CACNA1B: variants seen among roughly 807,000 people sequenced by gnomAD.
The protein encoded by CACNA1B is voltage-dependent N-type calcium channel subunit alpha-1B.
In CACNA1B, 70 loss-of-function variants were observed where a neutral mutation model predicts 247.2. The observed-to-expected ratio is 0.28, with a 90% CI of 0.23 to 0.35. The LOEUF is 0.35. CACNA1B is among the 10% of genes least tolerant of loss of function. The pLI, the probability that CACNA1B is intolerant of heterozygous loss-of-function variation, is 1.00. For synonymous variants in CACNA1B, 1,231 were observed against 1,294.4 expected (o/e 0.95, Z 1.05); for missense variants, 2,367 against 3,197.4 (o/e 0.74, Z 6.26).
At chr9:138,094,532 T>C (rs1195651468) in intron 36 of CACNA1B, among the ~76,000 whole-genome samples, 5 of 151,116 alleles carry the variant, frequency 3.3e-5, no homozygotes, top group Admixed American at 2.0e-4. Context: ...CCTAACACAT[T>C]CTGTGAGGCC....
In CACNA1B at chr9:138,102,104, T is replaced by C. The variant is rs1961272553; in HGVS notation, c.5223-607T>C. ...GGCTGGCCTCGGGCGTCTCTGGGCT[T>C]GAAGCAGGACTTGCCCCAAGGTTAG... On this transcript the variant is annotated intron_variant, in intron 37 of 46. Transcript: ENST00000371372. The surrounding 1 kb of genome is among the most constrained non-coding windows in gnomAD (Gnocchi z 5.4). Among the ~76,000 whole-genome samples the C allele has an allele frequency of 6.6e-6, 1 of 152,196 alleles. No homozygotes were observed. The highest frequency in any genetic ancestry group is 2.4e-5 in the African/African-American group (1 of 41,468).
Position 138,078,320 on chromosome 9 carries a change from C to A in CACNA1B, c.5094+62C>A. On this transcript the variant is annotated intron_variant, in intron 36 of 46. Transcript: ENST00000371372. The stretch of plus-strand genomic sequence containing the variant: ...TCTTGTCTCGGTACAGCTCAGGCTT[C>A]TCCCACATCTCCTGCTGATCCCTGA... 4.7e-6 allele frequency: 7 copies of A among 1,488,130 alleles called. No individual in the cohort carries two copies. In the South Asian group the frequency reaches 8.1e-5, roughly 17 times the overall value. The allele number at this position is 1,488,130 out of a possible 1,614,324, so 92.2% of individuals were successfully genotyped here. A position where few individuals can be genotyped will look rare whatever the true frequency, so the allele number is the denominator to read the frequency against.
Position 138,121,776 on chromosome 9 carries a change from G to T in CACNA1B, c.6797G>T (p.Ser2266Ile). The T allele has an allele frequency of 1.2e-6, 2 of 1,612,988 alleles. No individual in the cohort carries two copies. ...SDPYLGQRLDSEASVHALPED... is the reference protein window; with the variant it reads ...SDPYLGQRLDIEASVHALPED... ...CCTTACCTGGGGCAGCGTCTGGACA[G>T]TGAGGCCTCTGTCCACGCCCTGCCT... Residue 2266 changes from serine (S) to isoleucine (I), a missense_variant, in exon 47 of 47, where the codon AGT (serine) becomes ATT (isoleucine). Coordinates refer to ENST00000371372, the MANE Select transcript of CACNA1B (RefSeq NM_000718.4). The surrounding 1 kb of genome is among the most constrained non-coding windows in gnomAD (Gnocchi z 6.8).
At chr9:138,024,506 C>T (rs556994170) in intron 19 of CACNA1B, among the ~76,000 whole-genome samples, 63 of 152,240 alleles carry the variant, frequency 4.1e-4, no homozygotes, top group African/African-American at 1.4e-3. Flanking sequence ...ACTAAAGACA[C>T]GGAGGTGTAT....
At chr9:137,944,775 G>C (rs1589023456) in intron 6 of CACNA1B, among the ~76,000 whole-genome samples, 1 of 152,196 alleles carries the variant, frequency 6.6e-6, no homozygotes, top group African/African-American at 2.4e-5. Context: ...TCCCTAAGGG[G>C]TAGCAGGGCT....
At chr9:138,093,227 T>C (rs890594931) in intron 36 of CACNA1B, among the ~76,000 whole-genome samples, 3 of 151,242 alleles carry the variant, frequency 2.0e-5, no homozygotes, top group Non-Finnish European at 2.9e-5. Context: ...CAAGACCAGC[T>C]TGGCCAACAT....
intron 6 of CACNA1B, among the ~76,000 whole-genome samples, chr9:137,934,917 G>A (rs1386625692): frequency 6.6e-6 from 1 of 152,070 alleles, no homozygotes; most frequent in East Asian, 1.9e-4. Flanking sequence ...GACAAAACAA[G>A]GTTCCTTAAC....
chr9:137,934,686 C>T (rs4469543), intron 6 of CACNA1B, among the ~76,000 whole-genome samples: 53,551 of 152,022 alleles, frequency 0.35, 12,858 homozygotes, highest in African/African-American at 0.67. Flanking sequence ...GCCCAGAACC[C>T]GGTAGACTTG....
In CACNA1B at chr9:138,074,194, A is replaced by T. The variant is rs1032099399; in HGVS notation, c.4857+128A>T. The T allele has an allele frequency of 5.3e-6, 4 of 755,580 alleles. No homozygotes were observed. In the Admixed American group the frequency reaches 7.3e-5, roughly 14 times the overall value. The allele number at this position is 755,580 out of a possible 1,614,324, so 46.8% of individuals were successfully genotyped here. On this transcript the variant is annotated intron_variant, in intron 34 of 46. Transcript: ENST00000371372. ...CCTTAGTGAACATTCTCTGTGAGCCAGATCCTGCTTTGAGCACTTGCTGAA... is the reference window on the plus strand; with the variant it reads ...CCTTAGTGAACATTCTCTGTGAGCCTGATCCTGCTTTGAGCACTTGCTGAA...
At chr9:137,966,383 C>T (rs899502793) in intron 10 of CACNA1B, among the ~76,000 whole-genome samples, 2 of 151,204 alleles carry the variant, frequency 1.3e-5, no homozygotes, top group African/African-American at 2.4e-5. Context: ...TACCACCAGG[C>T]CTGGCTAATT....
rs140145709 is a variant in CACNA1B at position 138,048,133 on chromosome 9, G to A, written c.3603+675G>A. Among the ~76,000 whole-genome samples, 686 of 152,314 alleles carry A rather than the reference G, an allele frequency of 4.5e-3. 8 individuals carry two copies. Among genetic ancestry groups the A allele is most frequent in the African/African-American group, 0.016 (656 of 41,568 alleles). ...GCACTGACAGCAGATGCATGAACAC[G>A]TTACCTCTGCTATTTCACTCTTGCA... is the stretch of plus-strand genomic sequence containing the variant. On this transcript the variant is annotated intron_variant, in intron 23 of 46. Transcript: ENST00000371372.
intron 36 of CACNA1B, among the ~76,000 whole-genome samples, chr9:138,091,915 C>T (rs1317655011): frequency 1.3e-5 from 2 of 152,216 alleles, no homozygotes; most frequent in East Asian, 3.9e-4. Flanking sequence ...TACAGCTGGG[C>T]CTCCGGGGGT....
rs1032929306 is a variant in CACNA1B, at chr9:138,043,956, C to T, written c.3413+56C>T. ...CCGCCCACTCACCCATGCATCATGA[C>T]CCGTGGGATCTCAGTAGCCAGCGTG... On this transcript the variant is annotated intron_variant, in intron 21 of 46. Transcript: ENST00000371372. The T allele has an allele frequency of 2.9e-5, 46 of 1,588,902 alleles. No individual in the cohort carries two copies. In the East Asian group the frequency reaches 1.0e-3, roughly 36 times the overall value.
Position 138,058,886 on chromosome 9 carries a change from C to A in CACNA1B, c.4473+153C>A, listed in dbSNP as rs138548573. Among the ~76,000 whole-genome samples the A allele has an allele frequency of 1.6e-3, 242 of 152,316 alleles. No homozygotes were observed. Among genetic ancestry groups the A allele is most frequent in the African/African-American group, 5.5e-3 (228 of 41,574 alleles). On this transcript the variant is annotated intron_variant, in intron 29 of 46. Coordinates refer to ENST00000371372, the MANE Select transcript of CACNA1B (RefSeq NM_000718.4). This position sits in a 1 kb window ranked among gnomAD's most constrained non-coding sequence, Gnocchi z 4.7. ...GCCAGCATGGGATGCCTGTGGAATC[C>A]TGTTTCCCTTTGTTGTCTGTGGGCT...
intron 3 of CACNA1B, among the ~76,000 whole-genome samples, chr9:137,906,698 T>G (rs183570320): frequency 6.6e-6 from 1 of 151,018 alleles, no homozygotes; most frequent in Non-Finnish European, 1.5e-5. Context: ...ATTTAACATA[T>G]GTGTTTCTCT....
chr9:138,027,725 T>G (rs1375807271), intron 20 of CACNA1B, among the ~76,000 whole-genome samples: 1 of 152,224 alleles, frequency 6.6e-6, no homozygotes, highest in Non-Finnish European at 1.5e-5. Context: ...TCTCCTTAGA[T>G]ATGGGGATTT....
At chr9:138,099,144 T>C (rs1403514945) in intron 37 of CACNA1B, among the ~76,000 whole-genome samples, 1 of 152,186 alleles carries the variant, frequency 6.6e-6, no homozygotes, top group African/African-American at 2.4e-5. Context: ...AAACAGGACA[T>C]GTGTGCATGT....
intron 36 of CACNA1B, among the ~76,000 whole-genome samples, chr9:138,089,580 TACA>T (rs1960811968): frequency 6.6e-6 from 1 of 152,052 alleles, no homozygotes; most frequent in African/African-American, 2.4e-5. Flanking sequence ...GGAAAAGATC[TACA>T]ACAAGAAAGG....
chr9:137,890,492 G>C (rs1192333568), intron 3 of CACNA1B: 3 of 150,326 alleles, frequency 2.0e-5, no homozygotes, highest in African/African-American at 4.8e-5. Flanking sequence ...ATATGGGCCA[G>C]GTACTTGCTG....
Sources: gnomAD v4.1 joint callset for allele counts (sites outside exome capture counted in the v4.1 genomes callset) on GRCh38, gnomAD v4.1.1 for gene constraint, Gnocchi (gnomAD v3.1) non-coding constraint, MANE v1.5 for transcripts, NCBI Gene and HGNC (gene_info 2026-07-23, HGNC 2026-07-21) for gene names.